CHRM3: variants seen among roughly 807,000 people sequenced by gnomAD.
CHRM3 encodes the protein cholinergic receptor muscarinic 3, also known as muscarinic acetylcholine receptor M3.
Under a neutral mutation model 41.8 loss-of-function variants are expected in CHRM3, and 11 were observed. The ratio of observed to expected loss-of-function variants is 0.26; its 90% CI spans 0.17 to 0.44. CHRM3 has a LOEUF of 0.44. Among genes scored for constraint, CHRM3 ranks in the 20% least tolerant of loss-of-function variants. The pLI, the probability that CHRM3 is intolerant of heterozygous loss-of-function variation, is 1.00. For missense variants in CHRM3, 571 were observed against 745.4 expected (o/e 0.77, Z 2.72); for synonymous variants, 297 against 301.4 (o/e 0.99, Z 0.15).
At chr1:239,786,506 A>C (rs77464065) in intron 5 of CHRM3, among the ~76,000 whole-genome samples, 19,332 of 152,242 alleles carry the variant, frequency 0.13, 1,565 homozygotes, top group Middle Eastern at 0.24. Flanking sequence ...GCTAATTAGC[A>C]GTAGGAGAGG....
At chr1:239,529,425 A>G (rs919988115) in intron 2 of CHRM3, among the ~76,000 whole-genome samples, 3 of 152,108 alleles carry the variant, frequency 2.0e-5, no homozygotes, top group African/African-American at 7.2e-5. Flanking sequence ...CAGCCTGACC[A>G]ACATGGTGAA....
At chr1:239,437,473 C>A (rs1223209235) in intron 1 of CHRM3, among the ~76,000 whole-genome samples, 14 of 152,202 alleles carry the variant, frequency 9.2e-5, no homozygotes, top group Non-Finnish European at 1.8e-4. Context: ...GGGACACAAT[C>A]TGCTCCCCTG....
intron 3 of CHRM3, among the ~76,000 whole-genome samples, chr1:239,611,263 A>T (rs1666995746): frequency 6.6e-6 from 1 of 152,158 alleles, no homozygotes; most frequent in Non-Finnish European, 1.5e-5. Context: ...TACTGGAAAC[A>T]TCTAAAAATT....
chr1:239,900,560 T>C (rs1679459533), intron 6 of CHRM3, among the ~76,000 whole-genome samples: 1 of 151,950 alleles, frequency 6.6e-6, no homozygotes, highest in Non-Finnish European at 1.5e-5. Flanking sequence ...AGGGATCTTG[T>C]TTCCTGGCCC....
chr1:239,605,936 A>C (rs1156894466), intron 3 of CHRM3: 1 of 152,098 alleles, frequency 6.6e-6, no homozygotes, highest in Non-Finnish European at 1.5e-5. Context: ...TTCAGGGTTT[A>C]CCATGGTCAA....
intron 2 of CHRM3, among the ~76,000 whole-genome samples, chr1:239,494,382 C>A (rs1192774509): frequency 1.3e-5 from 2 of 152,074 alleles, no homozygotes; most frequent in African/African-American, 4.8e-5. Flanking sequence ...CAAGTCCTAC[C>A]AATCTCCTAC....
At chr1:239,618,579 T>C (rs1260262359) in intron 3 of CHRM3, among the ~76,000 whole-genome samples, 1 of 151,884 alleles carries the variant, frequency 6.6e-6, no homozygotes, top group Non-Finnish European at 1.5e-5. Flanking sequence ...GCGCGGTGGC[T>C]CACGCCTGTA....
chr1:239,787,811 A>G (rs776198215), intron 5 of CHRM3, among the ~76,000 whole-genome samples: 2 of 152,180 alleles, frequency 1.3e-5, no homozygotes, highest in African/African-American at 2.4e-5. Flanking sequence ...CTAATATGTA[A>G]AGTTAATTTT....
chr1:239,642,839 G>A (rs12086779), intron 4 of CHRM3, among the ~76,000 whole-genome samples: 41,314 of 151,968 alleles, frequency 0.27, 5,782 homozygotes, highest in Admixed American at 0.3. Context: ...GAGGAGAGGC[G>A]CTCTGTTTTT....
chr1:239,646,174 G>A (rs1013124138), intron 4 of CHRM3, among the ~76,000 whole-genome samples: 1 of 152,160 alleles, frequency 6.6e-6, no homozygotes, highest in Non-Finnish European at 1.5e-5. Context: ...CAGTTTCTTA[G>A]TATTCTGAGA....
chr1:239,657,289 A>G (rs986640763), intron 4 of CHRM3, among the ~76,000 whole-genome samples: 3 of 152,232 alleles, frequency 2.0e-5, no homozygotes, highest in East Asian at 3.8e-4. Context: ...CATTACTGCC[A>G]TTGTAAAATT....
intron 5 of CHRM3, among the ~76,000 whole-genome samples, chr1:239,687,855 T>A (rs1409223228): frequency 6.6e-6 from 1 of 152,176 alleles, no homozygotes; most frequent in Non-Finnish European, 1.5e-5. Context: ...ATAACCTAGG[T>A]ATGTAGTAAA....
chr1:239,912,273 C>T lies in CHRM3; in HGVS notation c.*3049C>T, dbSNP rs1259442239. 6.0e-6 allele frequency: 1 copy of T among 167,208 alleles called. No homozygotes were observed. Among genetic ancestry groups the T allele is most frequent in the Non-Finnish European group, 1.5e-5 (1 of 68,256 alleles). 10.4% of individuals were successfully genotyped at this position (167,208 alleles called of 1,614,324 possible). A position where few individuals can be genotyped will look rare whatever the true frequency, so the allele number is the denominator to read the frequency against. On this transcript the variant is annotated 3_prime_UTR_variant, in exon 7 of 7. Transcript: ENST00000676153. Reference sequence around the variant, plus strand: ...GTGAGCTCTCTCTGGTCCCCTAGATCCCTCGGCTCTGCTCTCCTTTGCCCA... The same window carrying T: ...GTGAGCTCTCTCTGGTCCCCTAGATTCCTCGGCTCTGCTCTCCTTTGCCCA...
chr1:239,908,785 C>G lies in CHRM3; in HGVS notation c.1334C>G (p.Ser445Cys). The change falls in exon 7 of 7, where the codon TCC becomes TGC. Residue 445 changes from serine to cysteine, a missense_variant. By Grantham distance (112) the Ser-to-Cys change is moderately radical. Coordinates refer to ENST00000676153, the MANE Select transcript of CHRM3 (RefSeq NM_001375978.1). This position sits in a 1 kb window ranked among gnomAD's most constrained non-coding sequence, Gnocchi z 7.2. ...VDTAKTSDVNSSVGKSTATLP... is the reference protein window; with the variant it reads ...VDTAKTSDVNCSVGKSTATLP... ...ACAGCTAAGACTTCTGACGTCAACT[C>G]CTCAGTGGGTAAGAGCACGGCCACT... The G allele has an allele frequency of 6.2e-7, 1 of 1,614,140 alleles. No homozygotes were observed. Among genetic ancestry groups the G allele is most frequent in the Non-Finnish European group, 8.5e-7 (1 of 1,180,028 alleles).
chr1:239,618,038 T>C (rs1667822272), intron 3 of CHRM3, among the ~76,000 whole-genome samples: 1 of 152,050 alleles, frequency 6.6e-6, no homozygotes, highest in African/African-American at 2.4e-5. Context: ...CGTTTCCTTT[T>C]TTCTTTTTAT....
chr1:239,627,533 G>C (rs1669115733), intron 3 of CHRM3, among the ~76,000 whole-genome samples: 1 of 110,704 alleles, frequency 9.0e-6, no homozygotes, highest in South Asian at 3.8e-4. Context: ...GTGTGAATTT[G>C]ATCCTGTCAT....
intron 5 of CHRM3, among the ~76,000 whole-genome samples, chr1:239,808,432 T>C (rs1045975210): frequency 1.3e-5 from 2 of 152,148 alleles, no homozygotes; most frequent in Non-Finnish European, 2.9e-5. Flanking sequence ...AGAATGACAC[T>C]GTGGGTAAGG....
At chr1:239,405,831 C>T (rs1363933029) in intron 1 of CHRM3, among the ~76,000 whole-genome samples, 1 of 152,026 alleles carries the variant, frequency 6.6e-6, no homozygotes, top group Non-Finnish European at 1.5e-5. Context: ...TCTTTTACTC[C>T]TTGGCATTTG....
At chr1:239,865,478 A>G (rs1676014705) in intron 6 of CHRM3, among the ~76,000 whole-genome samples, 1 of 152,218 alleles carries the variant, frequency 6.6e-6, no homozygotes, top group African/African-American at 2.4e-5. Context: ...ACAAAGGAGG[A>G]CAGGGAATAT....
Sources: gnomAD v4.1 joint callset for allele counts (sites outside exome capture counted in the v4.1 genomes callset) on GRCh38, gnomAD v4.1.1 for gene constraint, Gnocchi (gnomAD v3.1) non-coding constraint, MANE v1.5 for transcripts, NCBI Gene and HGNC (gene_info 2026-07-23, HGNC 2026-07-21) for gene names.